BRCA2: variants seen among roughly 807,000 people sequenced by gnomAD.
BRCA2 encodes BRCA2 DNA repair associated, also known as breast cancer type 2 susceptibility protein.
A neutral mutation model predicts 276.7 loss-of-function variants in BRCA2; 203 were observed. The ratio of observed to expected loss-of-function variants is 0.73; its 90% CI spans 0.65 to 0.82. The LOEUF (loss-of-function observed/expected upper bound fraction) is 0.82, where lower values mean the gene tolerates loss of function less well. BRCA2 is among the 40% of genes least tolerant of loss of function. The pLI is 0.00. For synonymous variants in BRCA2, 1,289 were observed against 1,338.4 expected (o/e 0.96, Z 0.81); for missense variants, 3,920 against 3,915.0 (o/e 1.00, Z -0.03).
chr13:32,384,959 A>C (rs773573664), intron 24 of BRCA2: 7 of 368,916 alleles, frequency 1.9e-5, no homozygotes, highest in Non-Finnish European at 3.1e-5. Context: ...ACCTGGGGCA[A>C]CTTTGCCTGG....
intron 24 of BRCA2, among the ~76,000 whole-genome samples, chr13:32,382,978 A>G (rs2137631293): frequency 6.6e-6 from 1 of 152,352 alleles, no homozygotes. Context: ...GGAAGAGTTG[A>G]TATACAAGAG....
chr13:32,357,365 A>T (rs763850312), intron 15 of BRCA2, among the ~76,000 whole-genome samples: 82 of 152,234 alleles, frequency 5.4e-4, no homozygotes, highest in Non-Finnish European at 1.1e-3. Flanking sequence ...CTGTGTACAG[A>T]TCTGACCACC....
chr13:32,394,264 G>T (rs1345570819), intron 24 of BRCA2, among the ~76,000 whole-genome samples: 2 of 152,136 alleles, frequency 1.3e-5, no homozygotes, highest in African/African-American at 4.8e-5. Flanking sequence ...TTGTTCATAG[G>T]TGTTTTCATG....
intron 20 of BRCA2, among the ~76,000 whole-genome samples, 168 bp downstream of exon 20, chr13:32,371,268 C>G (rs1363068305): frequency 6.6e-6 from 1 of 151,888 alleles, no homozygotes; most frequent in Non-Finnish European, 1.5e-5. Context: ...CAAAGAATAG[C>G]AACAAGGGAC....
Position 32,370,374 on chromosome 13 carries a change from A to G in BRCA2, c.8332-28A>G, listed in dbSNP as rs377320530. Reference sequence around the variant, plus strand: ...AGAATTGAATACATATTTAACTACTAAATCAATATATTTATTAATTTGTCC... The same window carrying G: ...AGAATTGAATACATATTTAACTACTGAATCAATATATTTATTAATTTGTCC... On this transcript the variant is annotated intron_variant, in intron 18 of 26. Transcript: ENST00000380152. 5.6e-6 allele frequency: 9 copies of G among 1,598,988 alleles called. No homozygotes were observed. Among genetic ancestry groups the G allele is most frequent in the Middle Eastern group, 1.7e-4 (1 of 6,038 alleles).
rs1555282961 is a variant in BRCA2 at position 32,337,295 on chromosome 13, T to C, written c.2940T>C (p.Asp980=). The C allele has an allele frequency of 6.2e-7, 1 of 1,612,574 alleles. No individual in the cohort carries two copies. Among genetic ancestry groups the C allele is most frequent in the Non-Finnish European group, 8.5e-7 (1 of 1,179,556 alleles). ...DLKSDISLNI[D]KIPEKNNDYM... is the part of the protein sequence containing the mutation. The stretch of plus-strand genomic sequence containing the variant: ...AATCGGACATCTCCTTGAATATAGA[T>C]AAAATACCAGAAAAAAATAATGATT... Residue 980 remains aspartate (D), a synonymous_variant, in exon 11 of 27, where the codon GAT becomes GAC. Coordinates refer to ENST00000380152, the MANE Select transcript of BRCA2 (RefSeq NM_000059.4).
rs2137622269 is a variant in BRCA2 at position 32,379,782 on chromosome 13, T to A, written c.8986T>A (p.Leu2996Ile). ...GAGTATTTGGCGTCCATCATCAGAT[T>A]TATATTCTCTGTTAACAGAAGGAAA... is the stretch of plus-strand genomic sequence containing the variant. Reference protein sequence around the residue: ...ILSIWRPSSDLYSLLTEGKRY... With the variant: ...ILSIWRPSSDIYSLLTEGKRY... The change falls in exon 23 of 27, where the codon TTA becomes ATA. Residue 2996 changes from leucine (L) to isoleucine (I), a missense_variant. Leu to Ile is a conservative substitution (Grantham distance 5). Around this residue, in one of 2 missense-constraint regions of BRCA2, gnomAD observed 657 missense variants for 758.2 expected, o/e 0.87. Transcript: ENST00000380152. The A allele has an allele frequency of 6.2e-7, 1 of 1,612,742 alleles. No individual in the cohort carries two copies. Among genetic ancestry groups the A allele is most frequent in the African/African-American group, 1.3e-5 (1 of 75,014 alleles).
At position 32,325,194 on chromosome 13, in the gene BRCA2, A is replaced by G. The variant is rs1386088071; in HGVS notation, c.425+10A>G. 1 of 1,493,206 alleles carries G rather than the reference A, an allele frequency of 6.7e-7. No homozygotes were observed. The highest frequency in any genetic ancestry group is 1.1e-5 in the South Asian group (1 of 87,470). 92.5% of individuals were successfully genotyped at this position (1,493,206 alleles called of 1,614,324 possible). ...CTTGTCTTAGTGAAAGGTATGATGA[A>G]GCTATTATATTAAAATATTTAAATG... is the stretch of plus-strand genomic sequence containing the variant. On this transcript the variant is annotated intron_variant, in intron 4 of 26. Transcript: ENST00000380152.
intron 13 of BRCA2, among the ~76,000 whole-genome samples, chr13:32,349,158 G>T (rs1219422140): frequency 6.7e-6 from 1 of 149,396 alleles, no homozygotes; most frequent in Admixed American, 6.7e-5. Context: ...TGAGGTGGAG[G>T]TTGTGGTAAA....
At chr13:32,330,086 C>G (rs1223804994) in intron 8 of BRCA2, among the ~76,000 whole-genome samples, 1 of 152,150 alleles carries the variant, frequency 6.6e-6, no homozygotes, top group Non-Finnish European at 1.5e-5. Flanking sequence ...TGTAACCAAC[C>G]ATCCCTTACT....
Position 32,395,960 on chromosome 13 carries a change from C to CTTTTTTTTTTTTTTTT in BRCA2, c.9502-925_9502-910dup, listed in dbSNP as rs397838402. On this transcript the variant is annotated intron_variant, in intron 25 of 26. Transcript: ENST00000380152. ...CCACATTTTCTTTTTTTCTTTCTTT[C>CTTTTTTTTTTTTTTTT]TTTTTTTTTTTTTTTTTTTTTTTTT... 8.2e-4 allele frequency: 65 copies of CTTTTTTTTTTTTTTTT among 79,206 alleles called. 1 individual carries two copies. Among genetic ancestry groups the CTTTTTTTTTTTTTTTT allele is most frequent in the African/African-American group, 1.5e-3 (17 of 11,154 alleles). 4.9% of individuals were successfully genotyped at this position (79,206 alleles called of 1,614,324 possible).
chr13:32,347,238 A>T (rs1391358502), intron 13 of BRCA2, among the ~76,000 whole-genome samples: 3 of 152,142 alleles, frequency 2.0e-5, no homozygotes, highest in Non-Finnish European at 4.4e-5. Flanking sequence ...ACCTTTAAAA[A>T]AGTACTAAGA....
Position 32,337,011 on chromosome 13 carries a change from A to C in BRCA2, c.2656A>C (p.Asn886His), listed in dbSNP as rs1205280922. The C allele has an allele frequency of 6.3e-7, 1 of 1,590,370 alleles. No homozygotes were observed. The highest frequency in any genetic ancestry group is 1.4e-5 in the African/African-American group (1 of 73,554). Residue 886 changes from asparagine to histidine, a missense_variant, in exon 11 of 27, where the codon AAT becomes CAT. Asn to His is a moderately conservative substitution (Grantham distance 68). Transcript: ENST00000380152. ...AGACTCTGAAGAACTTTTCTCAGAC[A>C]ATGAGAATAATTTTGTCTTCCAAGT... ...NPDSEELFSDNENNFVFQVAN... is the reference protein window; with the variant it reads ...NPDSEELFSDHENNFVFQVAN...
chr13:32,331,646 GAC>G (rs914129458), intron 9 of BRCA2, among the ~76,000 whole-genome samples: 5 of 150,932 alleles, frequency 3.3e-5, no homozygotes, highest in Non-Finnish European at 7.4e-5. Flanking sequence ...ATGTGGTTGT[GAC>G]ACAAAAACAA....
intron 24 of BRCA2, among the ~76,000 whole-genome samples, chr13:32,388,201 C>T (rs936200775): frequency 1.3e-5 from 2 of 151,874 alleles, no homozygotes; most frequent in Non-Finnish European, 2.9e-5. Context: ...TCACTGCAGC[C>T]TCTGCCTCCC....
intron 20 of BRCA2, among the ~76,000 whole-genome samples, chr13:32,372,011 GAGTGGT>G (rs1459735186): frequency 6.6e-6 from 1 of 152,230 alleles, no homozygotes; most frequent in Non-Finnish European, 1.5e-5. Flanking sequence ...TGAGTGATCA[GAGTGGT>G]AGTTGGTGAA....
chr13:32,349,713 G>T (rs574784293), intron 13 of BRCA2, among the ~76,000 whole-genome samples: 2 of 151,626 alleles, frequency 1.3e-5, no homozygotes, highest in Non-Finnish European at 2.9e-5. Flanking sequence ...TACTCAGGAG[G>T]CTGAGGTGGG....
At chr13:32,328,817 TG>T (rs2072368167) in intron 7 of BRCA2, among the ~76,000 whole-genome samples, 1 of 152,224 alleles carries the variant, frequency 6.6e-6, no homozygotes, top group Non-Finnish European at 1.5e-5. Context: ...CAGTAAAGTT[TG>T]TTTTGTAAAA....
rs1188402577 is a variant in BRCA2, at chr13:32,385,849, A to G, written c.9256+5704A>G. ...TGGTAGATTTCAGGAATTTCAAAAGAAATCTGATGTCAGTGCAATTATCCG... is the reference window on the plus strand; with the variant it reads ...TGGTAGATTTCAGGAATTTCAAAAGGAATCTGATGTCAGTGCAATTATCCG... On this transcript the variant is annotated intron_variant, in intron 24 of 26. Coordinates refer to ENST00000380152, the MANE Select transcript of BRCA2 (RefSeq NM_000059.4). 1.8e-5 allele frequency: 3 copies of G among 162,270 alleles called. No individual in the cohort carries two copies. In the Admixed American group the frequency reaches 1.9e-4, roughly 10 times the overall value. 10.1% of individuals were successfully genotyped at this position (162,270 alleles called of 1,614,324 possible).
Sources: gnomAD v4.1 joint callset for allele counts (sites outside exome capture counted in the v4.1 genomes callset) on GRCh38, gnomAD v4.1.1 for gene constraint, gnomAD v4.1.1 regional missense constraint, MANE v1.5 for transcripts, NCBI Gene and HGNC (gene_info 2026-07-23, HGNC 2026-07-21) for gene names.